CNTN5: variants seen among roughly 807,000 people sequenced by gnomAD.
The protein encoded by CNTN5 is contactin-5.
CNTN5 carries 77 observed loss-of-function variants against 129.1 expected under a neutral mutation model. That is an observed-to-expected ratio of 0.60 (90% CI 0.50 to 0.72). The LOEUF (loss-of-function observed/expected upper bound fraction) is 0.72, where lower values mean the gene tolerates loss of function less well. Ranked by LOEUF, CNTN5 falls within the 30% of genes least tolerant of loss-of-function variation. The pLI is 0.00. For synonymous variants in CNTN5, 509 were observed against 465.6 expected (o/e 1.09, Z -1.20); for missense variants, 1,478 against 1,328.8 (o/e 1.11, Z -1.75).
intron 3 of CNTN5, among the ~76,000 whole-genome samples, chr11:99,814,513 A>G (rs570664710): frequency 6.6e-6 from 1 of 152,256 alleles, no homozygotes; most frequent in Non-Finnish European, 1.5e-5. Context: ...ATGATACTGT[A>G]TTCTTTGGCT....
intron 3 of CNTN5, among the ~76,000 whole-genome samples, chr11:99,627,233 T>C (rs1465549039): frequency 2.0e-5 from 3 of 152,140 alleles, no homozygotes; most frequent in Admixed American, 2.0e-4. Flanking sequence ...ATCCCTCGCC[T>C]TACTTTCTTA....
At position 99,492,086 on chromosome 11, in the gene CNTN5, T is replaced by A. The variant is rs1386408046; in HGVS notation, c.-70-64059T>A. On this transcript the variant is annotated intron_variant, in intron 2 of 24. Coordinates refer to ENST00000524871, the MANE Select transcript of CNTN5 (RefSeq NM_014361.4). ...AGCAGTGCAGTAGATACATTATCTT[T>A]GTTGAGGGGAGCCATCTGTTGGGTT... Among the ~76,000 whole-genome samples the A allele has an allele frequency of 3.3e-5, 5 of 152,168 alleles. 1 individual carries two copies. The highest frequency in any genetic ancestry group is 1.3e-4 in the Admixed American group (2 of 15,278).
In CNTN5 at chr11:99,961,960, G is replaced by A. The variant is rs148102514; in HGVS notation, c.877+4951G>A. Among the ~76,000 whole-genome samples, 161 of 150,488 alleles carry A rather than the reference G, an allele frequency of 1.1e-3. 1 individual carries two copies. Among genetic ancestry groups the A allele is most frequent in the African/African-American group, 3.6e-3 (147 of 40,332 alleles). On this transcript the variant is annotated intron_variant, in intron 8 of 24. Transcript: ENST00000524871. ...AACTTGCAAAATTTTCGATATATAC[G>A]TAGAGAGACATATAGATAGATATAG...
chr11:99,458,908 T>G (rs974797137), intron 2 of CNTN5, among the ~76,000 whole-genome samples: 1 of 151,978 alleles, frequency 6.6e-6, no homozygotes, highest in Non-Finnish European at 1.5e-5. Context: ...GCAAGAAGTT[T>G]TGTGCCATCT....
At chr11:100,275,053 T>C (rs1004832124) in intron 18 of CNTN5, among the ~76,000 whole-genome samples, 13 of 149,922 alleles carry the variant, frequency 8.7e-5, no homozygotes, top group African/African-American at 3.2e-4. Context: ...TAAATAACAA[T>C]ACAAAAGATG....
intron 2 of CNTN5, among the ~76,000 whole-genome samples, chr11:99,543,494 C>T (rs1373500418): frequency 1.3e-5 from 2 of 152,198 alleles, no homozygotes; most frequent in Admixed American, 6.5e-5. Context: ...GCTAGACTTA[C>T]TTTCTTAATC....
At chr11:100,293,641 C>T (rs1437402404) in intron 18 of CNTN5, among the ~76,000 whole-genome samples, 1 of 151,598 alleles carries the variant, frequency 6.6e-6, no homozygotes, top group Non-Finnish European at 1.5e-5. Flanking sequence ...ATTAGTATCT[C>T]CATGAGACAA....
At chr11:99,071,752 T>A (rs1865350456) in intron 1 of CNTN5, among the ~76,000 whole-genome samples, 2 of 152,240 alleles carry the variant, frequency 1.3e-5, no homozygotes, top group East Asian at 1.9e-4. Context: ...GTATGTTAAG[T>A]GAAGTCAATC....
At chr11:100,343,665 G>C (rs1031179717) in intron 23 of CNTN5, among the ~76,000 whole-genome samples, 3 of 152,112 alleles carry the variant, frequency 2.0e-5, no homozygotes, top group Non-Finnish European at 2.9e-5. Flanking sequence ...CCCGTCTTCT[G>C]AGTATGACGT....
chr11:100,028,791 A>G (rs780496971), intron 9 of CNTN5, among the ~76,000 whole-genome samples: 6 of 152,210 alleles, frequency 3.9e-5, no homozygotes, highest in Non-Finnish European at 8.8e-5. Context: ...GTTTCTATAG[A>G]TATGAAATAT....
At chr11:99,496,343 G>C (rs1027909018) in intron 2 of CNTN5, among the ~76,000 whole-genome samples, 1 of 152,158 alleles carries the variant, frequency 6.6e-6, no homozygotes, top group Non-Finnish European at 1.5e-5. Flanking sequence ...GCCAGATCTC[G>C]GCTCACTGCA....
chr11:100,319,928 T>C (rs1442698196), intron 21 of CNTN5, among the ~76,000 whole-genome samples: 1 of 152,258 alleles, frequency 6.6e-6, no homozygotes, highest in Non-Finnish European at 1.5e-5. Flanking sequence ...TCGCTGTGTC[T>C]ATATAACACA....
intron 9 of CNTN5, among the ~76,000 whole-genome samples, chr11:100,041,682 C>G (rs2137680663): frequency 6.6e-6 from 1 of 152,224 alleles, no homozygotes; most frequent in South Asian, 2.1e-4. Context: ...CTGACCTCAG[C>G]ATTTATTGCT....
chr11:99,905,102 T>G (rs189919982), intron 6 of CNTN5, among the ~76,000 whole-genome samples: 1 of 152,352 alleles, frequency 6.6e-6, no homozygotes, highest in East Asian at 1.9e-4. Context: ...CTGTTCAGTC[T>G]GATGATAGTT....
intron 3 of CNTN5, among the ~76,000 whole-genome samples, chr11:99,791,961 C>T (rs1257390574): frequency 1.3e-5 from 2 of 152,080 alleles, no homozygotes; most frequent in Non-Finnish European, 2.9e-5. Flanking sequence ...AATTTGTATC[C>T]TGAAACTTTG....
intron 18 of CNTN5, among the ~76,000 whole-genome samples, chr11:100,272,594 A>G (rs925223765): frequency 6.6e-6 from 1 of 152,100 alleles, no homozygotes; most frequent in Non-Finnish European, 1.5e-5. Context: ...AACAGCTCCT[A>G]CTGAGGGACC....
intron 3 of CNTN5, among the ~76,000 whole-genome samples, chr11:99,577,111 C>T (rs1011701633): frequency 1.3e-5 from 2 of 152,072 alleles, no homozygotes; most frequent in African/African-American, 4.8e-5. Flanking sequence ...TTAAATAATT[C>T]ACACCAAAAG....
chr11:99,564,479 AAAC>A (rs573436403), intron 3 of CNTN5, among the ~76,000 whole-genome samples: 38 of 152,268 alleles, frequency 2.5e-4, no homozygotes, highest in Admixed American at 1.6e-3. Flanking sequence ...ACTGTGTCCT[AAAC>A]TCATTAGCTG....
chr11:99,705,579 A>C (rs143391909), intron 3 of CNTN5, among the ~76,000 whole-genome samples: 6 of 151,322 alleles, frequency 4.0e-5, no homozygotes, highest in Non-Finnish European at 5.9e-5. Flanking sequence ...TACTTTTGTC[A>C]GGTTTGCTTG....
Sources: allele counts gnomAD v4.1 joint callset (sites outside exome capture counted in the v4.1 genomes callset), GRCh38; gene constraint gnomAD v4.1.1; transcripts MANE v1.5; gene names NCBI Gene and HGNC (gene_info 2026-07-23, HGNC 2026-07-21).